Variants in SORCS1 observed in about 807,000 individuals in gnomAD.
The protein encoded by SORCS1 is VPS10 domain-containing receptor SorCS1.
SORCS1 carries 60 observed loss-of-function variants against 146.1 expected under a neutral mutation model. The ratio of observed to expected loss-of-function variants is 0.41; its 90% CI spans 0.33 to 0.51. SORCS1 has a LOEUF of 0.51. SORCS1 is among the 20% of genes least tolerant of loss of function. The pLI is 0.21. For missense variants in SORCS1, 1,352 were observed against 1,487.6 expected, an observed-to-expected ratio of 0.91 and a Z score of 1.50; for synonymous variants, 637 against 584.0, an observed-to-expected ratio of 1.09 and a Z score of -1.31.
At chr10:106,796,321 A>G (rs1415844193) in intron 3 of SORCS1, among the ~76,000 whole-genome samples, 3 of 152,204 alleles carry the variant, frequency 2.0e-5, no homozygotes, top group Non-Finnish European at 2.9e-5. Flanking sequence ...GCTAAATGGA[A>G]GCTTTAAATT....
chr10:106,880,069 C>T (rs977224355), intron 2 of SORCS1, among the ~76,000 whole-genome samples: 2 of 152,168 alleles, frequency 1.3e-5, no homozygotes, highest in African/African-American at 2.4e-5. Flanking sequence ...AAGCTAATAA[C>T]GACAGCACAA....
intron 17 of SORCS1, among the ~76,000 whole-genome samples, chr10:106,664,922 G>T (rs1211250500): frequency 6.6e-6 from 1 of 151,894 alleles, no homozygotes; most frequent in African/African-American, 2.4e-5. Context: ...CCTGTCTTTT[G>T]CATTCCTTCC....
chr10:106,838,542 T>C (rs1948885158), intron 2 of SORCS1, among the ~76,000 whole-genome samples: 3 of 152,194 alleles, frequency 2.0e-5, no homozygotes, highest in African/African-American at 4.8e-5. Flanking sequence ...CTTGACATCA[T>C]AGAGAATAGT....
chr10:106,706,553 A>C lies in SORCS1; in HGVS notation c.1225T>G (p.Leu409Val). 6.2e-7 allele frequency: 1 copy of C among 1,614,164 alleles called. No homozygotes were observed. Among genetic ancestry groups the C allele is most frequent in the Admixed American group, 1.7e-5 (1 of 60,030 alleles). The change falls in exon 8 of 26, where the codon TTG becomes GTG. Residue 409 changes from leucine to valine, a missense_variant. By Grantham distance (32) the Leu-to-Val change is conservative. Transcript: ENST00000263054. ...AGTGATTTAGGCCATACCTTGGGCA[A>C]AGCATATTTCGGAAGCTTCATTTGG... ...FAQMKLPKYALPKDMHVISTD... is the reference protein window; with the variant it reads ...FAQMKLPKYAVPKDMHVISTD...
chr10:106,759,103 T>G (rs2136234236), intron 5 of SORCS1, among the ~76,000 whole-genome samples: 1 of 152,304 alleles, frequency 6.6e-6, no homozygotes, highest in Middle Eastern at 3.4e-3. Context: ...TAGGGCAGTG[T>G]TTGAAAATGA....
intron 5 of SORCS1, among the ~76,000 whole-genome samples, chr10:106,751,058 CAAAAAAAAAAAAAAAA>C (rs35691571): frequency 1.3e-3 from 29 of 22,440 alleles, no homozygotes; most frequent in Admixed American, 1.8e-3. Flanking sequence ...GACTCCGTCT[CAAAAAAAAAAAAAAAA>C]AAAAAAAAAA....
chr10:106,870,913 G>T (rs1171048551), intron 2 of SORCS1, among the ~76,000 whole-genome samples: 1 of 152,120 alleles, frequency 6.6e-6, no homozygotes, highest in Non-Finnish European at 1.5e-5. Context: ...AGAATAAACA[G>T]ATAACCTACA....
intron 1 of SORCS1, among the ~76,000 whole-genome samples, chr10:107,028,195 C>T (rs1401794523): frequency 6.6e-6 from 1 of 152,162 alleles, no homozygotes; most frequent in Non-Finnish European, 1.5e-5. Flanking sequence ...GGTAAAGCCA[C>T]TCAGATGGTT....
At chr10:106,653,352 T>C (rs951584476) in intron 17 of SORCS1, among the ~76,000 whole-genome samples, 8 of 152,232 alleles carry the variant, frequency 5.3e-5, no homozygotes, top group Admixed American at 4.6e-4. Flanking sequence ...ACTTTATGTA[T>C]GTATATATTT....
At chr10:106,649,497 G>A (rs1478165467) in intron 18 of SORCS1, among the ~76,000 whole-genome samples, 3 of 152,156 alleles carry the variant, frequency 2.0e-5, no homozygotes, top group Non-Finnish European at 4.4e-5. Flanking sequence ...CTCTTCAAAG[G>A]TGTCATTCCA....
intron 3 of SORCS1, among the ~76,000 whole-genome samples, chr10:106,786,086 G>T (rs936686379): frequency 8.5e-5 from 13 of 152,254 alleles, no homozygotes; most frequent in African/African-American, 3.1e-4. Flanking sequence ...CATATTCTAG[G>T]TTTAATTCTA....
chr10:107,044,814 T>TGAAA (rs1959226346), intron 1 of SORCS1, among the ~76,000 whole-genome samples: 1 of 90,288 alleles, frequency 1.1e-5, no homozygotes, highest in Admixed American at 1.3e-4. Context: ...TGTGTCTCAA[T>TGAAA]AAAAAAAAAA....
chr10:106,781,292 G>A (rs922982289), intron 3 of SORCS1, among the ~76,000 whole-genome samples: 3 of 151,972 alleles, frequency 2.0e-5, no homozygotes, highest in Admixed American at 6.6e-5. Flanking sequence ...ATACTTTTTC[G>A]TACCATTTCT....
intron 24 of SORCS1, among the ~76,000 whole-genome samples, chr10:106,585,350 A>G (rs1357822916): frequency 6.6e-6 from 1 of 152,126 alleles, no homozygotes; most frequent in African/African-American, 2.4e-5. Context: ...AGATATTCTC[A>G]CTCATAAAAC....
At chr10:107,167,165 A>G (rs1003798562), upstream of SORCS1, among the ~76,000 whole-genome samples, 2 of 152,264 alleles carry the variant, frequency 1.3e-5, no homozygotes, top group Non-Finnish European at 2.9e-5. Context: ...GTTCATATGT[A>G]GATAGATGGA....
chr10:106,934,093 CA>C (rs1445126635), intron 2 of SORCS1, among the ~76,000 whole-genome samples: 1 of 42,080 alleles, frequency 2.4e-5, no homozygotes, highest in Non-Finnish European at 4.5e-5. Flanking sequence ...GACTCCATCT[CA>C]AAAAACAAAA....
intron 9 of SORCS1, among the ~76,000 whole-genome samples, chr10:106,698,539 C>T (rs1312372917): frequency 1.3e-5 from 2 of 152,190 alleles, no homozygotes; most frequent in East Asian, 3.9e-4. Context: ...CCTTCAATGG[C>T]AATTAAAGCA....
chr10:106,704,208 T>G (rs770238365), intron 8 of SORCS1, among the ~76,000 whole-genome samples: 2 of 152,188 alleles, frequency 1.3e-5, no homozygotes, highest in Admixed American at 6.5e-5. Context: ...GGGATTTTCT[T>G]CTTAATGCCC....
At chr10:106,849,738 T>C (rs900197266) in intron 2 of SORCS1, among the ~76,000 whole-genome samples, 4 of 151,470 alleles carry the variant, frequency 2.6e-5, no homozygotes, top group Non-Finnish European at 5.9e-5. Context: ...TGGTCTTTGA[T>C]GATGGTGATG....
Sources: allele counts gnomAD v4.1 joint callset (sites outside exome capture counted in the v4.1 genomes callset), GRCh38; gene constraint gnomAD v4.1.1; transcripts MANE v1.5; gene names NCBI Gene and HGNC (gene_info 2026-07-23, HGNC 2026-07-21).